CHEK2: variants seen among roughly 807,000 people sequenced by gnomAD.
The protein encoded by CHEK2 is checkpoint kinase 2, also known as serine/threonine-protein kinase Chk2.
In CHEK2, 71 loss-of-function variants were observed where a neutral mutation model predicts 69.1. The observed-to-expected ratio is 1.03, with a 90% CI of 0.85 to 1.25. CHEK2 has a LOEUF of 1.25. Ranked by LOEUF, CHEK2 falls within the 50% of genes most tolerant of loss-of-function variation. CHEK2 has a pLI of 0.00. For synonymous variants in CHEK2, 189 were observed against 226.9 expected, an observed-to-expected ratio of 0.83 and a Z score of 1.50; for missense variants, 664 against 649.6, an observed-to-expected ratio of 1.02 and a Z score of -0.24.
In CHEK2 at chr22:28,699,928, C is replaced by G. The variant is rs1057523756; in HGVS notation, c.918G>C (p.Gly306=). The G allele has an allele frequency of 1.2e-6, 2 of 1,613,326 alleles. No homozygotes were observed. Among genetic ancestry groups the G allele is most frequent in the Non-Finnish European group, 1.7e-6 (2 of 1,179,440 alleles). ...CCACCACTTTGTCAAACAGCTCTCC[C>G]CCTTCCATCCTGAAACACAAAGGCA... is the stretch of plus-strand genomic sequence containing the variant. The part of the protein sequence containing the change: ...DYYIVLELME[G]GELFDKVVGN... The change falls in exon 9 of 15, where the codon GGG becomes GGC. Residue 306 remains glycine, a synonymous_variant. Coordinates refer to ENST00000404276, the MANE Select transcript of CHEK2 (RefSeq NM_007194.4).
At chr22:28,735,223 A>T (rs2054361959) in intron 1 of CHEK2, among the ~76,000 whole-genome samples, 1 of 151,962 alleles carries the variant, frequency 6.6e-6, no homozygotes, top group African/African-American at 2.4e-5. Context: ...TGGCCAACAT[A>T]GTGAAACTCC....
intron 2 of CHEK2, among the ~76,000 whole-genome samples, chr22:28,732,706 C>T (rs1254005162): frequency 6.6e-6 from 1 of 152,042 alleles, no homozygotes; most frequent in Non-Finnish European, 1.5e-5. Context: ...AGTGACAAAA[C>T]ACAAAATGAT....
At chr22:28,735,438 T>A (rs2017309) in intron 1 of CHEK2, among the ~76,000 whole-genome samples, 34,726 of 151,924 alleles carry the variant, frequency 0.23, 4,249 homozygotes, top group East Asian at 0.42. Flanking sequence ...AGTCCTCAAT[T>A]TAACAATGCT....
At chr22:28,702,135 CTG>C (rs141703411) in intron 8 of CHEK2, among the ~76,000 whole-genome samples, 13,155 of 140,310 alleles carry the variant, frequency 0.094, 683 homozygotes, top group Admixed American at 0.15. Context: ...GTGTGTGTGT[CTG>C]TGTGTGTGTG....
chr22:28,691,090 A>G (rs1164932703), intron 13 of CHEK2, among the ~76,000 whole-genome samples: 1 of 152,226 alleles, frequency 6.6e-6, no homozygotes, highest in African/African-American at 2.4e-5. Flanking sequence ...TAGGATCTCA[A>G]TTATCTTGCA....
intron 12 of CHEK2, among the ~76,000 whole-genome samples, 191 bp from the exon 13 acceptor site, chr22:28,694,308 A>C (rs1601717177): frequency 1.3e-5 from 2 of 152,244 alleles, no homozygotes; most frequent in African/African-American, 4.8e-5. Flanking sequence ...AGGAATGATA[A>C]TGACACTCCC....
intron 4 of CHEK2, among the ~76,000 whole-genome samples, chr22:28,719,749 C>T (rs991352102): frequency 1.3e-5 from 2 of 152,124 alleles, no homozygotes; most frequent in Non-Finnish European, 2.9e-5. Flanking sequence ...GCAAAAAATC[C>T]GTAACACAAC....
At position 28,719,470 on chromosome 22, in the gene CHEK2, T is replaced by C. The variant is rs587782813; in HGVS notation, c.608A>G (p.Asp203Gly). 4 of 1,589,386 alleles carry C rather than the reference T, an allele frequency of 2.5e-6. No individual in the cohort carries two copies. The highest frequency in any genetic ancestry group is 1.7e-5 in the Admixed American group (1 of 58,006). Residue 203 changes from aspartate (D) to glycine (G), a missense_variant, in exon 5 of 15, where the codon GAT (aspartate) becomes GGT (glycine). Asp to Gly is a moderately conservative substitution (Grantham distance 94, BLOSUM62 -1). Transcript: ENST00000404276. ...AACTGACTGATCATCTACAGTCAGA[T>C]CAAAAAAGACAAAAACTAAGGAAGA... ...LSRNKVFVFFDLTVDDQSVYP... is the reference protein window; with the variant it reads ...LSRNKVFVFFGLTVDDQSVYP...
At chr22:28,727,269 C>A (rs1407183556) in intron 2 of CHEK2, among the ~76,000 whole-genome samples, 2 of 152,284 alleles carry the variant, frequency 1.3e-5, no homozygotes, top group East Asian at 3.9e-4. Context: ...TCTCGATCTC[C>A]TGAACTTGTG....
chr22:28,713,120 C>T (rs188410674), intron 5 of CHEK2, among the ~76,000 whole-genome samples: 8 of 152,278 alleles, frequency 5.3e-5, no homozygotes, highest in Non-Finnish European at 7.4e-5. Flanking sequence ...TTTCACTTAG[C>T]GTAATGCCAT....
At chr22:28,734,814 G>GAA in intron 1 of CHEK2, 87 bp from the exon 2 acceptor site, 1 of 918,444 alleles carries the variant, frequency 1.1e-6, no homozygotes, top group African/African-American at 2.0e-5. Context: ...TATTACAACA[G>GAA]CAAAAGAAAA....
At chr22:28,727,809 C>T (rs2054063630) in intron 2 of CHEK2, among the ~76,000 whole-genome samples, 1 of 152,204 alleles carries the variant, frequency 6.6e-6, no homozygotes, top group Admixed American at 6.5e-5. Flanking sequence ...ATTAAGATTT[C>T]ATGTTTTACC....
chr22:28,697,645 C>T (rs1278934494), intron 9 of CHEK2, among the ~76,000 whole-genome samples: 1 of 151,872 alleles, frequency 6.6e-6, no homozygotes, highest in Non-Finnish European at 1.5e-5. Flanking sequence ...TCTTAGCTCA[C>T]TACAGCCTCA....
intron 1 of CHEK2, 84 bp from the exon 2 acceptor site, chr22:28,734,811 A>C: frequency 9.4e-7 from 1 of 1,067,440 alleles, no homozygotes; most frequent in Non-Finnish European, 1.4e-6. Flanking sequence ...GCCTATTACA[A>C]CAGCAAAAGA....
chr22:28,710,533 T>C (rs539002633), intron 6 of CHEK2, among the ~76,000 whole-genome samples: 2 of 152,020 alleles, frequency 1.3e-5, no homozygotes, highest in Non-Finnish European at 2.9e-5. Flanking sequence ...ATAAAGAAAA[T>C]GTGAAGTCAA....
rs878854920 is a variant in CHEK2, at chr22:28,719,399, C to T, written c.679G>A (p.Gly227Arg). The T allele has an allele frequency of 1.3e-6, 2 of 1,562,970 alleles. No homozygotes were observed. Among genetic ancestry groups the T allele is most frequent in the Non-Finnish European group, 1.7e-6 (2 of 1,144,590 alleles). ...TTATATAAGAAAATAATTTACCTTC[C>T]AAGAGTTTTTGACATGATGTATTCA... ...RDEYIMSKTL[G>R]SGACGEVKLA... The change falls in exon 5 of 15, where the codon GGA becomes AGA. Residue 227 changes from glycine to arginine, a missense_variant. Coordinates refer to ENST00000404276, the MANE Select transcript of CHEK2 (RefSeq NM_007194.4).
intron 8 of CHEK2, among the ~76,000 whole-genome samples, chr22:28,701,227 GTCTTTTT>G (rs1407995933): frequency 6.6e-6 from 1 of 151,536 alleles, no homozygotes; most frequent in Non-Finnish European, 1.5e-5. Flanking sequence ...TTTTACCATA[GTCTTTTT>G]TCTTTTTTCT....
chr22:28,735,284 T>C (rs1477134611), intron 1 of CHEK2, among the ~76,000 whole-genome samples: 2 of 151,900 alleles, frequency 1.3e-5, no homozygotes, highest in East Asian at 1.9e-4. Flanking sequence ...CGGGCACCTG[T>C]ATTCTCAGCT....
chr22:28,740,501 C>T (rs1449371917), intron 1 of CHEK2, among the ~76,000 whole-genome samples: 2 of 152,176 alleles, frequency 1.3e-5, no homozygotes. Context: ...ATCCCCTTTT[C>T]TCCGAATGTT....
Sources: allele counts gnomAD v4.1 joint callset (sites outside exome capture counted in the v4.1 genomes callset), GRCh38; gene constraint gnomAD v4.1.1; transcripts MANE v1.5; gene names NCBI Gene and HGNC (gene_info 2026-07-23, HGNC 2026-07-21).